Variants in CNTNAP2 observed in about 807,000 individuals in gnomAD.
The protein encoded by CNTNAP2 is contactin-associated protein-like 2.
CNTNAP2 carries 98 observed loss-of-function variants against 155.2 expected under a neutral mutation model. The ratio of observed to expected loss-of-function variants is 0.63; its 90% CI spans 0.54 to 0.75. The LOEUF (loss-of-function observed/expected upper bound fraction) is 0.75. Ranked by LOEUF, CNTNAP2 falls within the 30% of genes least tolerant of loss-of-function variation. The pLI is 0.00. For synonymous variants in CNTNAP2, 651 were observed against 631.2 expected (o/e 1.03, Z -0.47); for missense variants, 1,727 against 1,688.1 (o/e 1.02, Z -0.40).
chr7:147,022,533 C>G (rs1798834364), intron 3 of CNTNAP2, among the ~76,000 whole-genome samples: 1 of 150,924 alleles, frequency 6.6e-6, no homozygotes, highest in Admixed American at 6.6e-5. Context: ...ATATATTGTA[C>G]TATATATGTG....
chr7:146,585,138 G>GT (rs1352268563), intron 1 of CNTNAP2, among the ~76,000 whole-genome samples: 3 of 151,130 alleles, frequency 2.0e-5, no homozygotes, highest in Non-Finnish European at 3.0e-5. Context: ...GTTTTGTTTT[G>GT]TTTTTTCGGA....
At chr7:146,726,074 C>CTA (rs1299992822) in intron 1 of CNTNAP2, among the ~76,000 whole-genome samples, 2 of 152,068 alleles carry the variant, frequency 1.3e-5, no homozygotes, top group African/African-American at 2.4e-5. Flanking sequence ...GGACCAGTGG[C>CTA]TATACTTCAG....
chr7:148,100,828 C>A (rs1804082753), intron 15 of CNTNAP2, among the ~76,000 whole-genome samples: 1 of 152,092 alleles, frequency 6.6e-6, no homozygotes, highest in Non-Finnish European at 1.5e-5. Context: ...GACACATGCA[C>A]ACGTATGTTT....
At chr7:147,838,707 A>G (rs1427721031) in intron 13 of CNTNAP2, among the ~76,000 whole-genome samples, 2 of 152,242 alleles carry the variant, frequency 1.3e-5, no homozygotes, top group African/African-American at 4.8e-5. Flanking sequence ...TGTCCATATC[A>G]TTATCAGCAT....
intron 15 of CNTNAP2, among the ~76,000 whole-genome samples, chr7:148,016,785 T>A (rs1161380734): frequency 2.6e-5 from 4 of 152,220 alleles, no homozygotes; most frequent in Non-Finnish European, 5.9e-5. Flanking sequence ...GGTTTTTTCA[T>A]GCTCTTAGGT....
At chr7:147,568,100 TATAAA>T (rs1800211356) in intron 12 of CNTNAP2, among the ~76,000 whole-genome samples, 1 of 151,390 alleles carries the variant, frequency 6.6e-6, no homozygotes, top group South Asian at 2.1e-4. Flanking sequence ...AATAAATAAA[TATAAA>T]ATAAAAAAAT....
intron 10 of CNTNAP2, among the ~76,000 whole-genome samples, chr7:147,476,960 G>A (rs184057362): frequency 6.6e-6 from 1 of 151,222 alleles, no homozygotes; most frequent in Admixed American, 6.6e-5. Context: ...GATACAGCAG[G>A]TTGTGGTGAA....
intron 10 of CNTNAP2, among the ~76,000 whole-genome samples, chr7:147,460,012 G>C (rs1011697168): frequency 6.6e-6 from 1 of 151,980 alleles, no homozygotes; most frequent in Non-Finnish European, 1.5e-5. Flanking sequence ...GGCTAGGGGC[G>C]GAATAGCATT....
chr7:148,200,211 C>T (rs753812626), intron 18 of CNTNAP2, among the ~76,000 whole-genome samples: 5 of 152,034 alleles, frequency 3.3e-5, no homozygotes, highest in African/African-American at 9.7e-5. Flanking sequence ...CATTGACACA[C>T]GAAATTAACC....
chr7:147,908,977 G>A (rs1382805693), intron 14 of CNTNAP2, among the ~76,000 whole-genome samples: 1 of 152,132 alleles, frequency 6.6e-6, no homozygotes, highest in Non-Finnish European at 1.5e-5. Context: ...GTCATGTAAG[G>A]ATCTTGGTAA....
At chr7:146,581,650 C>T (rs140882508) in intron 1 of CNTNAP2, among the ~76,000 whole-genome samples, 1,295 of 119,050 alleles carry the variant, frequency 0.011, 27 homozygotes, top group African/African-American at 0.041. Flanking sequence ...AAATGATGGC[C>T]ATTTTTAGCA....
At chr7:148,189,696 G>A (rs1562989234) in intron 18 of CNTNAP2, among the ~76,000 whole-genome samples, 4 of 152,168 alleles carry the variant, frequency 2.6e-5, no homozygotes, top group African/African-American at 9.7e-5. Flanking sequence ...ATTATCTGCG[G>A]TATTCTATTA....
At chr7:146,498,513 T>C (rs923133253) in intron 1 of CNTNAP2, among the ~76,000 whole-genome samples, 1 of 152,098 alleles carries the variant, frequency 6.6e-6, no homozygotes, top group Non-Finnish European at 1.5e-5. Flanking sequence ...TATAAGCTTT[T>C]CCCCCCAAAC....
chr7:147,562,670 A>C (rs1370958888), intron 12 of CNTNAP2, among the ~76,000 whole-genome samples: 1 of 152,226 alleles, frequency 6.6e-6, no homozygotes, highest in Admixed American at 6.5e-5. Context: ...ATAATGATAG[A>C]AGAAATCTTT....
At chr7:146,190,197 C>G (rs1798682404) in intron 1 of CNTNAP2, among the ~76,000 whole-genome samples, 1 of 152,204 alleles carries the variant, frequency 6.6e-6, no homozygotes, top group Non-Finnish European at 1.5e-5. Flanking sequence ...TTCATTTCTA[C>G]TGCCTTTTAT....
intron 1 of CNTNAP2, among the ~76,000 whole-genome samples, chr7:146,277,254 TC>T (rs751973253): frequency 5.3e-5 from 8 of 152,134 alleles, no homozygotes; most frequent in Non-Finnish European, 8.8e-5. Context: ...CTTCTGGCTT[TC>T]AGAACTGTCA....
intron 3 of CNTNAP2, among the ~76,000 whole-genome samples, chr7:146,841,492 A>G (rs979631270): frequency 2.6e-5 from 4 of 152,028 alleles, no homozygotes; most frequent in African/African-American, 9.7e-5. Context: ...AGCACTCATT[A>G]TTTTCTAACT....
At chr7:146,829,512 A>G (rs1351413096) in intron 2 of CNTNAP2, among the ~76,000 whole-genome samples, 4 of 152,148 alleles carry the variant, frequency 2.6e-5, no homozygotes, top group African/African-American at 9.6e-5. Context: ...CTTGTAGTAA[A>G]ATGATTAGGC....
intron 8 of CNTNAP2, among the ~76,000 whole-genome samples, chr7:147,183,821 C>G (rs1022870616): frequency 1.1e-4 from 17 of 152,234 alleles, no homozygotes; most frequent in African/African-American, 3.9e-4. Context: ...CTACCTCTGC[C>G]TGCTAAAATT....
Sources: allele counts gnomAD v4.1 joint callset (sites outside exome capture counted in the v4.1 genomes callset), GRCh38; gene constraint gnomAD v4.1.1; transcripts MANE v1.5; gene names NCBI Gene and HGNC (gene_info 2026-07-23, HGNC 2026-07-21).